PDE4D: variants seen among roughly 807,000 people sequenced by gnomAD.
PDE4D encodes the protein 3',5'-cyclic-AMP phosphodiesterase 4D.
PDE4D carries 24 observed loss-of-function variants against 87.4 expected under a neutral mutation model. The ratio of observed to expected loss-of-function variants is 0.27; its 90% CI spans 0.20 to 0.39. The LOEUF is 0.39. PDE4D is among the 10% of genes least tolerant of loss of function. The pLI is 1.00. For synonymous variants in PDE4D, 384 were observed against 383.2 expected (o/e 1.00, Z -0.02); for missense variants, 714 against 1,041.0 (o/e 0.69, Z 4.32).
intron 1 of PDE4D, among the ~76,000 whole-genome samples, chr5:60,461,859 G>T (rs1205890287): frequency 6.6e-6 from 1 of 152,170 alleles, no homozygotes; most frequent in Non-Finnish European, 1.5e-5. Context: ...ATTTCTATCA[G>T]ACCAGATGAA....
intron 5 of PDE4D, among the ~76,000 whole-genome samples, chr5:59,120,646 A>T (rs1774332366): frequency 6.6e-6 from 1 of 151,536 alleles, no homozygotes; most frequent in Non-Finnish European, 1.5e-5. Flanking sequence ...TATCAAAACC[A>T]ATGTCATTTT....
At chr5:60,423,258 A>C (rs2052506600) in intron 1 of PDE4D, among the ~76,000 whole-genome samples, 1 of 152,232 alleles carries the variant, frequency 6.6e-6, no homozygotes, top group African/African-American at 2.4e-5. Context: ...TCAGGACCAC[A>C]TCACACTTAT....
chr5:60,030,170 G>C (rs528001312), intron 2 of PDE4D, among the ~76,000 whole-genome samples: 15 of 152,158 alleles, frequency 9.9e-5, no homozygotes, highest in Admixed American at 2.6e-4. Flanking sequence ...GTTGGTTAAG[G>C]CCGGGCGCGG....
intron 1 of PDE4D, among the ~76,000 whole-genome samples, chr5:60,511,917 A>T (rs1159208221): frequency 6.6e-6 from 1 of 152,184 alleles, no homozygotes; most frequent in Non-Finnish European, 1.5e-5. Flanking sequence ...TTGTATCCAA[A>T]ATATTTTTTA....
chr5:58,976,938 G>A lies in PDE4D; in HGVS notation c.1707+253C>T, dbSNP rs141726152. Among the ~76,000 whole-genome samples, 262 of 152,224 alleles carry A rather than the reference G, an allele frequency of 1.7e-3. 2 individuals are homozygous for A. Among genetic ancestry groups the A allele is most frequent in the Non-Finnish European group, 3.2e-3 (217 of 68,020 alleles). On this transcript the variant is annotated intron_variant, in intron 12 of 14. Coordinates refer to ENST00000340635, the MANE Select transcript of PDE4D (RefSeq NM_001104631.2). ...TTTTGTTAGTCATTTTTCTCTGCCC[G>A]CCACCAGACTGGAGGGGCCCAGAAA...
At chr5:59,612,473 A>G (rs1008671120) in intron 1 of PDE4D, among the ~76,000 whole-genome samples, 2 of 152,176 alleles carry the variant, frequency 1.3e-5, no homozygotes, top group Non-Finnish European at 2.9e-5. Context: ...ATTTTTATTG[A>G]CTGCCACCAT....
intron 1 of PDE4D, among the ~76,000 whole-genome samples, chr5:59,877,880 G>T (rs988604001): frequency 3.3e-5 from 5 of 152,034 alleles, no homozygotes; most frequent in African/African-American, 1.2e-4. Context: ...AGCAAAAAAA[G>T]GATAATTTTG....
intron 2 of PDE4D, among the ~76,000 whole-genome samples, chr5:60,098,089 C>T (rs1461990381): frequency 1.3e-5 from 2 of 151,860 alleles, no homozygotes; most frequent in Non-Finnish European, 2.9e-5. Context: ...GGGTCACGGC[C>T]AGACACAGTG....
intron 1 of PDE4D, among the ~76,000 whole-genome samples, chr5:59,780,920 A>C (rs1764549205): frequency 6.6e-6 from 1 of 152,076 alleles, no homozygotes; most frequent in South Asian, 2.1e-4. Flanking sequence ...TAATCCCAGC[A>C]CTTTGGGAGG....
At chr5:59,170,026 C>T (rs1236180226) in intron 5 of PDE4D, among the ~76,000 whole-genome samples, 7 of 152,044 alleles carry the variant, frequency 4.6e-5, no homozygotes, top group Admixed American at 4.6e-4. Context: ...ATCTTTTATT[C>T]ATGTGGTAGC....
intron 1 of PDE4D, among the ~76,000 whole-genome samples, chr5:59,603,818 A>G (rs2150040427): frequency 6.6e-6 from 1 of 152,124 alleles, no homozygotes; most frequent in East Asian, 1.9e-4. Context: ...TAAGAAAAAT[A>G]AGTTCAAGAA....
At chr5:59,348,652 C>T (rs1780001037) in intron 1 of PDE4D, among the ~76,000 whole-genome samples, 1 of 120,558 alleles carries the variant, frequency 8.3e-6, no homozygotes. Flanking sequence ...ATGTGGCTTA[C>T]ATACTTGTCC....
intron 2 of PDE4D, among the ~76,000 whole-genome samples, chr5:60,078,508 C>T (rs1773570486): frequency 6.6e-6 from 1 of 151,886 alleles, no homozygotes; most frequent in South Asian, 2.1e-4. Context: ...TTTTCTGCAC[C>T]TATTGACCAT....
intron 6 of PDE4D, among the ~76,000 whole-genome samples, chr5:59,027,799 A>C (rs1580380734): frequency 6.6e-6 from 1 of 151,876 alleles, no homozygotes; most frequent in East Asian, 1.9e-4. Flanking sequence ...TTTTTTTTCA[A>C]AGAGTCTTGG....
chr5:60,508,473 G>C (rs534594053), intron 1 of PDE4D, among the ~76,000 whole-genome samples: 22 of 152,322 alleles, frequency 1.4e-4, no homozygotes, highest in Middle Eastern at 3.4e-3. Flanking sequence ...GAAGAGAATA[G>C]AGCAACTTCC....
chr5:60,162,225 C>T (rs997450146), intron 2 of PDE4D, among the ~76,000 whole-genome samples: 1 of 151,934 alleles, frequency 6.6e-6, no homozygotes, highest in Non-Finnish European at 1.5e-5. Flanking sequence ...TCCAGCATGC[C>T]CCATATATGG....
chr5:60,056,178 C>A (rs1770756527), intron 2 of PDE4D, among the ~76,000 whole-genome samples: 1 of 152,040 alleles, frequency 6.6e-6, no homozygotes, highest in African/African-American at 2.4e-5. Flanking sequence ...CTGATTTCTT[C>A]ATTGTAAGTA....
chr5:60,411,464 A>G (rs1434017684), intron 1 of PDE4D, among the ~76,000 whole-genome samples: 1 of 151,746 alleles, frequency 6.6e-6, no homozygotes, highest in Non-Finnish European at 1.5e-5. Context: ...GTATCACATA[A>G]GTGTTAGCTA....
At chr5:59,077,782 C>G (rs1765965188) in intron 5 of PDE4D, among the ~76,000 whole-genome samples, 1 of 152,160 alleles carries the variant, frequency 6.6e-6, no homozygotes, top group Non-Finnish European at 1.5e-5. Context: ...CCATCAGATA[C>G]TTGTCTCCTT....
Sources: gnomAD v4.1 joint callset for allele counts (sites outside exome capture counted in the v4.1 genomes callset) on GRCh38, gnomAD v4.1.1 for gene constraint, MANE v1.5 for transcripts, NCBI Gene and HGNC (gene_info 2026-07-23, HGNC 2026-07-21) for gene names.